The following MED27 variants were observed in gnomAD, a reference collection of about 807,000 sequenced individuals.
MED27 encodes mediator of RNA polymerase II transcription subunit 27.
In MED27, 30 loss-of-function variants were observed where a neutral mutation model predicts 38.2. That is an observed-to-expected ratio of 0.79 (90% CI 0.59 to 1.07). The LOEUF (loss-of-function observed/expected upper bound fraction) is 1.07. MED27 is among the 50% of genes least tolerant of loss of function. MED27 has a pLI of 0.00. For missense variants in MED27, 289 were observed against 397.5 expected, an observed-to-expected ratio of 0.73 and a Z score of 2.32; for synonymous variants, 122 against 153.5, an observed-to-expected ratio of 0.79 and a Z score of 1.52.
chr9:131,973,232 C>T (rs1325246898), intron 3 of MED27, among the ~76,000 whole-genome samples: 1 of 152,160 alleles, frequency 6.6e-6, no homozygotes, highest in Non-Finnish European at 1.5e-5. Flanking sequence ...GAACAAAACC[C>T]TGCCTGTGAC....
chr9:132,022,657 C>T (rs1023863975), intron 2 of MED27, among the ~76,000 whole-genome samples: 3 of 152,152 alleles, frequency 2.0e-5, no homozygotes, highest in African/African-American at 7.2e-5. Context: ...AGTCCATTTT[C>T]GCACTGCTGT....
chr9:132,044,522 G>C (rs570934549), intron 2 of MED27, among the ~76,000 whole-genome samples: 1 of 152,350 alleles, frequency 6.6e-6, no homozygotes, highest in South Asian at 2.1e-4. Context: ...AGAAGGTGAA[G>C]ACGAGGCCGA....
chr9:131,934,956 G>A (rs915618881), intron 4 of MED27, among the ~76,000 whole-genome samples: 2 of 152,182 alleles, frequency 1.3e-5, no homozygotes, highest in African/African-American at 4.8e-5. Context: ...AAATAAGCCA[G>A]GCACAGAAAG....
chr9:131,887,628 T>A (rs1035527986), intron 5 of MED27, among the ~76,000 whole-genome samples: 3 of 152,236 alleles, frequency 2.0e-5, no homozygotes, highest in Non-Finnish European at 4.4e-5. Flanking sequence ...TAGCTTCAGC[T>A]TATTTACTGC....
At position 131,860,509 on chromosome 9, in the gene MED27, G is replaced by A; in HGVS notation, c.*29C>T. The stretch of plus-strand genomic sequence containing the variant: ...CTGCGTGTCTGGGAAGGTGCTGGGT[G>A]GGGTCTGAGGCTGGGGCCAGCGTGG... On this transcript the variant is annotated 3_prime_UTR_variant, in exon 8 of 8. Coordinates refer to ENST00000292035, the MANE Select transcript of MED27 (RefSeq NM_004269.4). This position sits in a 1 kb window ranked among gnomAD's most constrained non-coding sequence, Gnocchi z 5.8. 1 of 1,490,290 alleles carries A rather than the reference G, an allele frequency of 6.7e-7. No homozygotes were observed. The highest frequency in any genetic ancestry group is 8.9e-7 in the Non-Finnish European group (1 of 1,120,180). 92.3% of individuals were successfully genotyped at this position (1,490,290 alleles called of 1,614,324 possible).
At chr9:132,008,331 A>T (rs764847658) in intron 3 of MED27, among the ~76,000 whole-genome samples, 1 of 152,236 alleles carries the variant, frequency 6.6e-6, no homozygotes, top group African/African-American at 2.4e-5. Flanking sequence ...TCCCAATCCT[A>T]TGAGGCTCAG....
chr9:131,893,461 C>T (rs979869881), intron 5 of MED27, among the ~76,000 whole-genome samples: 1 of 152,058 alleles, frequency 6.6e-6, no homozygotes, highest in Non-Finnish European at 1.5e-5. Flanking sequence ...TTCCTAAGGG[C>T]GACTTGTTAG....
intron 2 of MED27, among the ~76,000 whole-genome samples, chr9:132,044,885 A>C (rs1356387404): frequency 6.6e-6 from 1 of 152,216 alleles, no homozygotes; most frequent in African/African-American, 2.4e-5. Flanking sequence ...AAAAAGTTTT[A>C]ATTTGGAGTG....
At chr9:131,893,576 T>C (rs949586773) in intron 5 of MED27, among the ~76,000 whole-genome samples, 3 of 152,118 alleles carry the variant, frequency 2.0e-5, no homozygotes, top group Admixed American at 1.3e-4. Context: ...GAGGAGCTGC[T>C]TGACTTGGGG....
chr9:132,043,750 C>G (rs1331362289), intron 2 of MED27, among the ~76,000 whole-genome samples: 1 of 152,066 alleles, frequency 6.6e-6, no homozygotes, highest in Non-Finnish European at 1.5e-5. Flanking sequence ...AACCAAAGCT[C>G]TACAGTATAG....
chr9:132,021,590 TGA>T (rs1477722101), intron 2 of MED27, among the ~76,000 whole-genome samples: 1 of 152,214 alleles, frequency 6.6e-6, no homozygotes, highest in Non-Finnish European at 1.5e-5. Flanking sequence ...TTGCATGGTC[TGA>T]GAGAGCAATG....
At chr9:131,926,523 T>C (rs1181167060) in intron 4 of MED27, among the ~76,000 whole-genome samples, 1 of 152,222 alleles carries the variant, frequency 6.6e-6, no homozygotes, top group East Asian at 1.9e-4. Flanking sequence ...CCTCCTGGGT[T>C]CCCCAGAGCT....
intron 4 of MED27, among the ~76,000 whole-genome samples, chr9:131,902,874 G>T (rs1829977879): frequency 6.6e-6 from 1 of 152,178 alleles, no homozygotes; most frequent in African/African-American, 2.4e-5. Context: ...AGCAAGATGG[G>T]AGCTACAGTT....
At position 131,948,502 on chromosome 9, in the gene MED27, CAA is replaced by C. The variant is rs79571086; in HGVS notation, c.480-9030_480-9029del. On this transcript the variant is annotated intron_variant, in intron 3 of 7. Transcript: ENST00000292035. ...CGTCTCAAAAAAACAAAAACAAAAACAAAAAAAAAAAACAAAAAACCAAAACA... is the reference window on the plus strand; with the variant it reads ...CGTCTCAAAAAAACAAAAACAAAAACAAAAAAAAAACAAAAAACCAAAACA... Among the ~76,000 whole-genome samples, 21 of 143,180 alleles carry C rather than the reference CAA, an allele frequency of 1.5e-4. 1 individual carries two copies. Among genetic ancestry groups the C allele is most frequent in the South Asian group, 1.1e-3 (5 of 4,518 alleles). The allele number at this position is 143,180 out of a possible 152,430, so 93.9% of individuals were successfully genotyped here.
intron 4 of MED27, among the ~76,000 whole-genome samples, chr9:131,910,221 AATTTT>A (rs1346878199): frequency 6.6e-6 from 1 of 152,168 alleles, no homozygotes; most frequent in Admixed American, 6.5e-5. Flanking sequence ...TTAATGAGAA[AATTTT>A]ATTTTATGCC....
chr9:131,874,149 C>T (rs1022137502), intron 6 of MED27, among the ~76,000 whole-genome samples: 9 of 152,236 alleles, frequency 5.9e-5, no homozygotes, highest in African/African-American at 2.2e-4. Flanking sequence ...GAATCCGCCT[C>T]CCGCCCCAAC....
intron 4 of MED27, among the ~76,000 whole-genome samples, chr9:131,895,148 T>A (rs746852647): frequency 1.3e-5 from 2 of 152,216 alleles, no homozygotes; most frequent in African/African-American, 2.4e-5. Flanking sequence ...CCCAGCTTCA[T>A]GTATTTGGTT....
intron 3 of MED27, among the ~76,000 whole-genome samples, chr9:131,987,391 A>G (rs1038022010): frequency 2.0e-5 from 3 of 152,164 alleles, no homozygotes; most frequent in African/African-American, 4.8e-5. Flanking sequence ...GTGTGTCCCT[A>G]AAGTAGCAAA....
intron 6 of MED27, among the ~76,000 whole-genome samples, chr9:131,866,309 G>C (rs1371767223): frequency 6.6e-6 from 1 of 152,192 alleles, no homozygotes; most frequent in African/African-American, 2.4e-5. Flanking sequence ...ACTGATAACT[G>C]CAAGGTGCTC....
Sources: gnomAD v4.1 joint callset for allele counts (sites outside exome capture counted in the v4.1 genomes callset) on GRCh38, gnomAD v4.1.1 for gene constraint, Gnocchi (gnomAD v3.1) non-coding constraint, MANE v1.5 for transcripts, NCBI Gene and HGNC (gene_info 2026-07-23, HGNC 2026-07-21) for gene names.